MARCHF3: variants seen among roughly 807,000 people sequenced by gnomAD.
MARCHF3 encodes the protein membrane associated ring-CH-type finger 3.
In MARCHF3, 13 loss-of-function variants were observed where a neutral mutation model predicts 24.2. The observed-to-expected ratio is 0.54, with a 90% confidence interval of 0.35 to 0.85. The LOEUF (loss-of-function observed/expected upper bound fraction) is 0.85, where lower values mean the gene tolerates loss of function less well. Among genes scored for constraint, MARCHF3 ranks in the 40% least tolerant of loss-of-function variants. The pLI, the probability that MARCHF3 is intolerant of heterozygous loss-of-function variation, is 0.01. For synonymous variants in MARCHF3, 144 were observed against 137.3 expected (o/e 1.05, Z -0.34); for missense variants, 276 against 325.0 (o/e 0.85, Z 1.16).
intron 1 of MARCHF3, among the ~76,000 whole-genome samples, chr5:127,029,480 C>G (rs1208766636): frequency 6.6e-6 from 1 of 152,166 alleles, no homozygotes; most frequent in African/African-American, 2.4e-5. Flanking sequence ...GAAAAACAAG[C>G]TGCTTTTACC....
intron 1 of MARCHF3, among the ~76,000 whole-genome samples, chr5:126,967,384 C>A (rs767369023): frequency 3.3e-5 from 5 of 152,130 alleles, no homozygotes; most frequent in Non-Finnish European, 7.4e-5. Context: ...ATATTCATCA[C>A]CCTGCTTCAA....
rs112503606 is a variant in MARCHF3 at position 126,991,720 on chromosome 5, C to CAA, written c.-57+38628_-57+38629dup. Among the ~76,000 whole-genome samples, 316 of 139,320 alleles carry CAA rather than the reference C, an allele frequency of 2.3e-3. 2 individuals are homozygous for CAA. The highest frequency in any genetic ancestry group is 7.5e-3 in the African/African-American group (284 of 38,102). 91.4% of individuals were successfully genotyped at this position (139,320 alleles called of 152,430 possible). On this transcript the variant is annotated intron_variant, in intron 1 of 4. Coordinates refer to ENST00000308660, the MANE Select transcript of MARCHF3 (RefSeq NM_178450.5). ...TGGACGACAGAGCAAGATTCTATTT[C>CAA]AAAAAAAAAAAAAGAAACCTAGTGG...
chr5:126,952,848 G>A (rs1054146888), intron 1 of MARCHF3, among the ~76,000 whole-genome samples: 3 of 151,964 alleles, frequency 2.0e-5, no homozygotes, highest in Middle Eastern at 3.2e-3. Context: ...GGTTTATAAC[G>A]CGAATTGCCT....
chr5:126,983,015 T>C (rs1308592557), intron 1 of MARCHF3, among the ~76,000 whole-genome samples: 2 of 152,202 alleles, frequency 1.3e-5, no homozygotes, highest in Non-Finnish European at 2.9e-5. Context: ...TTATGTTGTT[T>C]TCATTTCTTA....
intron 1 of MARCHF3, among the ~76,000 whole-genome samples, chr5:126,945,210 AAT>A (rs1491400394): frequency 6.6e-6 from 1 of 152,188 alleles, no homozygotes; most frequent in African/African-American, 2.4e-5. Context: ...TGAAATTGGC[AAT>A]AGTGGGAGTA....
intron 1 of MARCHF3, among the ~76,000 whole-genome samples, chr5:126,940,491 G>A (rs990207915): frequency 5.3e-5 from 8 of 151,586 alleles, no homozygotes; most frequent in African/African-American, 9.7e-5. Context: ...TCTGTTGCCC[G>A]GGCTGGGGTG....
At chr5:126,922,782 G>A (rs1438008088) in intron 1 of MARCHF3, among the ~76,000 whole-genome samples, 1 of 152,082 alleles carries the variant, frequency 6.6e-6, no homozygotes, top group Non-Finnish European at 1.5e-5. Flanking sequence ...TCCTGATCTC[G>A]TGATCCGCCC....
At chr5:126,895,624 GGGGGTCA>G (rs1444756456) in intron 3 of MARCHF3, among the ~76,000 whole-genome samples, 2 of 152,086 alleles carry the variant, frequency 1.3e-5, no homozygotes, top group African/African-American at 2.4e-5. Context: ...TATGCTGCTC[GGGGGTCA>G]GGGGTCAGGG....
chr5:126,950,331 C>T (rs1206390257), intron 1 of MARCHF3, among the ~76,000 whole-genome samples: 1 of 152,176 alleles, frequency 6.6e-6, no homozygotes, highest in Non-Finnish European at 1.5e-5. Context: ...GCCCAGCAAT[C>T]ATTCTTCACT....
At chr5:126,919,062 C>T (rs1481797333) in intron 1 of MARCHF3, among the ~76,000 whole-genome samples, 1 of 152,144 alleles carries the variant, frequency 6.6e-6, no homozygotes, top group Non-Finnish European at 1.5e-5. Flanking sequence ...ATCTCTATCA[C>T]CAATTAAACA....
chr5:126,949,353 C>T (rs1750136444), intron 1 of MARCHF3, among the ~76,000 whole-genome samples: 1 of 152,152 alleles, frequency 6.6e-6, no homozygotes, highest in Non-Finnish European at 1.5e-5. Flanking sequence ...GGTATATCTA[C>T]AAATAACATT....
At chr5:126,978,841 C>T (rs561808386) in intron 1 of MARCHF3, among the ~76,000 whole-genome samples, 1 of 152,282 alleles carries the variant, frequency 6.6e-6, no homozygotes, top group East Asian at 1.9e-4. Flanking sequence ...CATGGATGGG[C>T]TTCTGGGGCT....
chr5:126,961,597 G>C (rs1021742996), intron 1 of MARCHF3, among the ~76,000 whole-genome samples: 1 of 152,030 alleles, frequency 6.6e-6, no homozygotes, highest in Non-Finnish European at 1.5e-5. Flanking sequence ...TCAGAATTTG[G>C]AAAAGAACAA....
chr5:126,949,078 T>C (rs1750129534), intron 1 of MARCHF3, among the ~76,000 whole-genome samples: 1 of 152,204 alleles, frequency 6.6e-6, no homozygotes. Flanking sequence ...TTTAACTTCA[T>C]TAAAAGGAAA....
At chr5:126,871,952 C>G (rs1483314169) in intron 4 of MARCHF3, among the ~76,000 whole-genome samples, 1 of 152,056 alleles carries the variant, frequency 6.6e-6, no homozygotes, top group African/African-American at 2.4e-5. Context: ...CTCAAGTGTT[C>G]TGCCTGCCTC....
chr5:126,965,588 T>TTAA (rs2126825319), intron 1 of MARCHF3, among the ~76,000 whole-genome samples: 1 of 152,342 alleles, frequency 6.6e-6, no homozygotes, highest in South Asian at 2.1e-4. Context: ...ATATTAATGC[T>TTAA]GATTGAACCT....
chr5:127,030,254 C>G (rs1413784588), intron 1 of MARCHF3, 96 bp downstream of exon 1: 1 of 152,148 alleles, frequency 6.6e-6, no homozygotes, highest in Non-Finnish European at 1.5e-5. Context: ...CACGCTCGGA[C>G]GAACGGACCG....
chr5:126,900,206 C>T (rs2126782351), intron 3 of MARCHF3, among the ~76,000 whole-genome samples: 1 of 152,112 alleles, frequency 6.6e-6, no homozygotes, highest in Admixed American at 6.6e-5. Context: ...CAAAGAAACC[C>T]TCAGCTCTAT....
chr5:126,883,685 C>A (rs1026773641), intron 3 of MARCHF3, among the ~76,000 whole-genome samples: 1 of 152,132 alleles, frequency 6.6e-6, no homozygotes, highest in Admixed American at 6.5e-5. Flanking sequence ...TATGTTAAAT[C>A]CCCTACTGGT....
Sources: allele counts gnomAD v4.1 joint callset (sites outside exome capture counted in the v4.1 genomes callset), GRCh38; gene constraint gnomAD v4.1.1; transcripts MANE v1.5; gene names NCBI Gene and HGNC (gene_info 2026-07-23, HGNC 2026-07-21).